The following PRSS23 variants were observed in gnomAD, a reference collection of about 807,000 sequenced individuals.
PRSS23 encodes serine protease 23.
PRSS23 carries 25 observed loss-of-function variants against 34.7 expected under a neutral mutation model. The ratio of observed to expected loss-of-function variants is 0.72; its 90% CI spans 0.53 to 1.01. PRSS23 has a LOEUF of 1.01. PRSS23 is among the 50% of genes least tolerant of loss of function. The pLI, the probability that PRSS23 is intolerant of heterozygous loss-of-function variation, is 0.00. For missense variants in PRSS23, 445 were observed against 475.6 expected, an observed-to-expected ratio of 0.94 and a Z score of 0.60; for synonymous variants, 176 against 186.6, an observed-to-expected ratio of 0.94 and a Z score of 0.46.
At chr11:86,941,531 G>A (rs1262092168) in intron 2 of PRSS23, among the ~76,000 whole-genome samples, 1 of 152,152 alleles carries the variant, frequency 6.6e-6, no homozygotes, top group East Asian at 1.9e-4. Context: ...CACATTTAGA[G>A]TTTTAAGCTT....
chr11:86,816,802 A>C (rs1223577276), intron 1 of PRSS23, among the ~76,000 whole-genome samples: 1 of 152,238 alleles, frequency 6.6e-6, no homozygotes, highest in African/African-American at 2.4e-5. Context: ...ACATAATATC[A>C]GGAAGAATTC....
chr11:86,902,002 T>G (rs1948914636), intron 2 of PRSS23, among the ~76,000 whole-genome samples: 1 of 152,140 alleles, frequency 6.6e-6, no homozygotes, highest in Admixed American at 6.5e-5. Context: ...AGGTAGAAAC[T>G]GGGTGTTGCT....
intron 2 of PRSS23, among the ~76,000 whole-genome samples, chr11:86,882,469 T>C (rs1422183757): frequency 6.6e-6 from 1 of 152,214 alleles, no homozygotes; most frequent in African/African-American, 2.4e-5. Context: ...TTTGGTTTTC[T>C]GTGCCCGTGT....
intron 2 of PRSS23, chr11:86,836,952 T>C (rs886584891): frequency 1.3e-5 from 2 of 152,342 alleles, no homozygotes; most frequent in African/African-American, 2.4e-5. Context: ...CAATCCACAC[T>C]CAGCAATATT....
At chr11:86,900,798 T>TC (rs1341805344) in intron 2 of PRSS23, among the ~76,000 whole-genome samples, 41 of 148,146 alleles carry the variant, frequency 2.8e-4, no homozygotes, top group African/African-American at 1.0e-3. Flanking sequence ...TTTTTTTTTT[T>TC]TTTTGAGACG....
chr11:86,840,237 A>G (rs1204064016), intron 2 of PRSS23, among the ~76,000 whole-genome samples: 1 of 152,182 alleles, frequency 6.6e-6, no homozygotes, highest in Non-Finnish European at 1.5e-5. Flanking sequence ...ATAGGCTCAA[A>G]ATAAAAGGAT....
intron 2 of PRSS23, among the ~76,000 whole-genome samples, chr11:86,925,347 G>T (rs1949074456): frequency 6.6e-6 from 1 of 151,442 alleles, no homozygotes; most frequent in Non-Finnish European, 1.5e-5. Flanking sequence ...ACATTTATAT[G>T]CATGCCCTAG....
At chr11:86,825,034 A>G (rs1399571743) in intron 2 of PRSS23, among the ~76,000 whole-genome samples, 3 of 152,106 alleles carry the variant, frequency 2.0e-5, no homozygotes, top group African/African-American at 7.2e-5. Flanking sequence ...TTCTAGTTCT[A>G]GATCCCTGAG....
intron 2 of PRSS23, among the ~76,000 whole-genome samples, chr11:86,824,237 G>A (rs1948279037): frequency 6.6e-6 from 1 of 151,014 alleles, no homozygotes; most frequent in Non-Finnish European, 1.5e-5. Flanking sequence ...GAGCCTGGGA[G>A]GTGGAGATTG....
In PRSS23 at chr11:86,801,571, C is replaced by T. The variant is rs184265779; in HGVS notation, c.-14+920C>T. ...TGTGCACTCCTTAGGAACAGGTAGGCCAGTGCCAGAATCCTCATCACATGG... is the reference window on the plus strand; with the variant it reads ...TGTGCACTCCTTAGGAACAGGTAGGTCAGTGCCAGAATCCTCATCACATGG... On this transcript the variant is annotated intron_variant, in intron 1 of 1. Coordinates refer to ENST00000280258, the MANE Select transcript of PRSS23 (RefSeq NM_007173.6). Among the ~76,000 whole-genome samples, 5 of 152,316 alleles carry T rather than the reference C, an allele frequency of 3.3e-5. No homozygotes were observed. In the East Asian group the frequency reaches 9.6e-4, roughly 29 times the overall value.
chr11:86,934,688 T>G (rs1396671883), intron 2 of PRSS23: 3 of 152,222 alleles, frequency 2.0e-5, no homozygotes, highest in African/African-American at 7.2e-5. Context: ...GCCTTCAAGT[T>G]TTTGTTTTTC....
intron 2 of PRSS23, among the ~76,000 whole-genome samples, chr11:86,862,444 C>A (rs748987088): frequency 6.6e-6 from 1 of 151,552 alleles, no homozygotes; most frequent in Admixed American, 6.6e-5. Flanking sequence ...TGATACTATT[C>A]GTAATACCCT....
intron 2 of PRSS23, among the ~76,000 whole-genome samples, chr11:86,879,202 C>G (rs1235439094): frequency 6.7e-6 from 1 of 148,880 alleles, no homozygotes; most frequent in Non-Finnish European, 1.5e-5. Context: ...GGCGGCCCAT[C>G]ATCTGAGATG....
At chr11:86,943,766 C>CA (rs1190814269) in intron 2 of PRSS23, among the ~76,000 whole-genome samples, 2 of 152,040 alleles carry the variant, frequency 1.3e-5, no homozygotes, top group Non-Finnish European at 2.9e-5. Context: ...TTATTTGGGA[C>CA]AGAGTGTTGC....
intron 2 of PRSS23, among the ~76,000 whole-genome samples, chr11:86,859,400 C>G (rs1240366168): frequency 6.6e-6 from 1 of 152,018 alleles, no homozygotes; most frequent in African/African-American, 2.4e-5. Context: ...AGTACACCCA[C>G]TCTGTGATAT....
intron 2 of PRSS23, among the ~76,000 whole-genome samples, chr11:86,941,703 A>T (rs1335135956): frequency 2.6e-5 from 4 of 152,216 alleles, no homozygotes; most frequent in Non-Finnish European, 4.4e-5. Context: ...TAAAAGAGAC[A>T]ACTTACAATA....
At chr11:86,920,557 A>G (rs894870886) in intron 2 of PRSS23, among the ~76,000 whole-genome samples, 5 of 152,316 alleles carry the variant, frequency 3.3e-5, no homozygotes, top group Admixed American at 6.5e-5. Context: ...TTGACAGAGA[A>G]CAGGACACTT....
At chr11:86,903,374 T>C (rs1948922902) in intron 2 of PRSS23, among the ~76,000 whole-genome samples, 1 of 152,210 alleles carries the variant, frequency 6.6e-6, no homozygotes, top group African/African-American at 2.4e-5. Context: ...CCACTAGCGA[T>C]GTATGGGCTG....
At chr11:86,939,426 A>ATATTTTTTTTTTTTTT in intron 2 of PRSS23, among the ~76,000 whole-genome samples, 3 of 94,070 alleles carry the variant, frequency 3.2e-5, no homozygotes, top group African/African-American at 9.9e-5. Flanking sequence ...ATATATATAT[A>ATATTTTTTTTTTTTTT]TTTTTTAACA....
Sources: gnomAD v4.1 joint callset for allele counts (sites outside exome capture counted in the v4.1 genomes callset) on GRCh38, gnomAD v4.1.1 for gene constraint, MANE v1.5 for transcripts, NCBI Gene and HGNC (gene_info 2026-07-23, HGNC 2026-07-21) for gene names.